The following TMEM232 variants were observed in gnomAD, a reference collection of about 807,000 sequenced individuals.
TMEM232 encodes the protein transmembrane protein 232.
A neutral mutation model predicts 78.8 loss-of-function variants in TMEM232; 80 were observed. That is an observed-to-expected ratio of 1.01 (90% CI 0.85 to 1.22). The LOEUF is 1.22. Ranked by LOEUF, TMEM232 falls within the 50% of genes most tolerant of loss-of-function variation. The pLI is 0.00. For missense variants in TMEM232, 881 were observed against 742.2 expected (o/e 1.19, Z -2.17); for synonymous variants, 297 against 254.3 (o/e 1.17, Z -1.60).
intron 10 of TMEM232, among the ~76,000 whole-genome samples, chr5:110,577,269 A>T (rs1023108433): frequency 5.9e-5 from 9 of 152,188 alleles, no homozygotes; most frequent in East Asian, 3.9e-4. Context: ...ATCATATTTT[A>T]AAAAAGCTCA....
At chr5:110,499,632 C>G (rs866581758) in intron 12 of TMEM232, among the ~76,000 whole-genome samples, 18 of 124,250 alleles carry the variant, frequency 1.4e-4, no homozygotes, top group Non-Finnish European at 2.1e-4. Context: ...TATACACCCC[C>G]CCCCACACAC....
chr5:110,528,355 T>C (rs1174111807), intron 12 of TMEM232, among the ~76,000 whole-genome samples: 6 of 151,878 alleles, frequency 4.0e-5, no homozygotes. Flanking sequence ...CTCACAAGAA[T>C]TACATTAATA....
chr5:110,554,736 C>A (rs1774875361), intron 11 of TMEM232, among the ~76,000 whole-genome samples: 1 of 152,096 alleles, frequency 6.6e-6, no homozygotes, highest in Non-Finnish European at 1.5e-5. Context: ...ATGATTGATA[C>A]CTGCTCTTCT....
chr5:110,390,613 T>C (rs531573754), exon 4 of TMEM232: 2 of 152,274 alleles, frequency 1.3e-5, no homozygotes, highest in African/African-American at 4.8e-5. Context: ...AAGAGAGTAA[T>C]TGAAATATTC....
At chr5:110,412,034 ATCT>A (rs1038479929) in intron 2 of TMEM232, among the ~76,000 whole-genome samples, 2 of 152,182 alleles carry the variant, frequency 1.3e-5, no homozygotes, top group Non-Finnish European at 2.9e-5. Flanking sequence ...CCTGTGTCCC[ATCT>A]TCTTAGTGCT....
At position 110,403,637 on chromosome 5, in the gene TMEM232, A is replaced by G. The variant is rs537425618; in HGVS notation, n.309-5783T>C. 4.6e-5 allele frequency among the ~76,000 whole-genome samples: 7 copies of G among 152,222 alleles called. 1 individual carries two copies. In the South Asian group the frequency reaches 1.2e-3, roughly 27 times the overall value. On this transcript the variant is annotated intron_variant and non_coding_transcript_variant, in intron 2 of 8. Transcript: ENST00000507188. The stretch of plus-strand genomic sequence containing the variant: ...ATTCTTTATGCTGGAGGGAAGAATT[A>G]CAATAGAAACACATAGGGATTTGGG...
At chr5:110,610,884 A>C (rs554856423) in intron 8 of TMEM232, among the ~76,000 whole-genome samples, 72 of 152,296 alleles carry the variant, frequency 4.7e-4, no homozygotes, top group Admixed American at 9.8e-4. Context: ...ATAGCCAGCC[A>C]AGGTTCGTAT....
intron 2 of TMEM232, among the ~76,000 whole-genome samples, chr5:110,648,454 G>A (rs906938375): frequency 1.3e-5 from 2 of 151,908 alleles, no homozygotes; most frequent in African/African-American, 4.8e-5. Context: ...GTATAAGAAT[G>A]GTCACAGCAA....
rs559345042 is a variant in TMEM232 at position 110,535,086 on chromosome 5, C to T, written c.1456-6251G>A. 5.7e-4 allele frequency among the ~76,000 whole-genome samples: 86 copies of T among 152,136 alleles called. 1 individual carries two copies. Among genetic ancestry groups the T allele is most frequent in the African/African-American group, 2.0e-3 (83 of 41,508 alleles). ...CTGTCCCAACACTTTACCACTATTT[C>T]GTTTTTTCTTATTAATATAAGAAGA... is the stretch of plus-strand genomic sequence containing the variant. On this transcript the variant is annotated intron_variant, in intron 11 of 13. Transcript: ENST00000455884.
chr5:110,415,180 T>C (rs74293794), downstream of TMEM232, among the ~76,000 whole-genome samples: 270 of 87,694 alleles, frequency 3.1e-3, no homozygotes, highest in African/African-American at 0.037. Flanking sequence ...AAATCTATCT[T>C]TCTCTCCAAC....
chr5:110,642,491 A>C, intron 2 of TMEM232, 120 bp from the exon 3 acceptor site: 1 of 666,664 alleles, frequency 1.5e-6, no homozygotes, highest in South Asian at 2.3e-5. Context: ...TTCTTAATAA[A>C]ACTGTTTCAC....
In TMEM232 at chr5:110,424,936, C is replaced by A. The variant is rs1757077813; in HGVS notation, c.1704-20G>T. On this transcript the variant is annotated intron_variant, in intron 12 of 13. Coordinates refer to ENST00000455884, the MANE Select transcript of TMEM232 (RefSeq NM_001039763.4). ...TGTTCCCTTCAAAAGAGCACAAGAA[C>A]AAATCCAACATTAGGTATAGGTACT... is the stretch of plus-strand genomic sequence containing the variant. The A allele has an allele frequency of 4.0e-6, 6 of 1,510,154 alleles. No homozygotes were observed. The highest frequency in any genetic ancestry group is 5.4e-6 in the Non-Finnish European group (6 of 1,113,208). 93.5% of individuals were successfully genotyped at this position (1,510,154 alleles called of 1,614,324 possible).
In TMEM232 at chr5:110,608,469, G is replaced by T. The variant is rs185947780; in HGVS notation, c.903-2182C>A. ...CATATTACGGTCAATTAAAAGAGAG[G>T]ATACTCATAGAGTTCGTAAAACTTC... is the stretch of plus-strand genomic sequence containing the variant. On this transcript the variant is annotated intron_variant, in intron 8 of 13. Coordinates refer to ENST00000455884, the MANE Select transcript of TMEM232 (RefSeq NM_001039763.4). Among the ~76,000 whole-genome samples the T allele has an allele frequency of 7.9e-4, 120 of 151,592 alleles. 1 individual carries two copies. The highest frequency in any genetic ancestry group is 2.9e-3 in the African/African-American group (118 of 41,372).
chr5:110,600,533 A>T (rs1230233889), intron 10 of TMEM232, among the ~76,000 whole-genome samples: 1 of 152,174 alleles, frequency 6.6e-6, no homozygotes, highest in African/African-American at 2.4e-5. Context: ...TACTATAAAC[A>T]CCTTTATGCA....
chr5:110,415,759 T>C (rs1021820710), downstream of TMEM232, among the ~76,000 whole-genome samples: 3 of 152,154 alleles, frequency 2.0e-5, no homozygotes, highest in African/African-American at 7.2e-5. Context: ...TTTGAAGCAA[T>C]ATTCAAAGCA....
At chr5:110,484,200 A>G (rs1194892400) in intron 12 of TMEM232, among the ~76,000 whole-genome samples, 1 of 152,112 alleles carries the variant, frequency 6.6e-6, no homozygotes, top group Non-Finnish European at 1.5e-5. Context: ...AATGATTAGG[A>G]CTATGCTCAC....
Position 110,627,873 on chromosome 5 carries a change from T to C in TMEM232, c.509A>G (p.Tyr170Cys), listed in dbSNP as rs997984525. 5 of 1,523,336 alleles carry C rather than the reference T, an allele frequency of 3.3e-6. No homozygotes were observed. In the South Asian group the frequency reaches 3.8e-5, roughly 12 times the overall value. The allele number at this position is 1,523,336 out of a possible 1,614,324, so 94.4% of individuals were successfully genotyped here. ...SVEIKLAKIG[Y>C]LVFLRLFIFF... is the part of the protein sequence containing the mutation. ...TATAAAAAGTCGTAAGAAGACCAAA[T>C]AGCCAATCTGTCAAAAGAGAAAAGA... The change falls in exon 6 of 14, where the codon TAT (tyrosine) becomes TGT (cysteine). Residue 170 changes from tyrosine to cysteine, a missense_variant. Transcript: ENST00000455884.
intron 11 of TMEM232, among the ~76,000 whole-genome samples, chr5:110,531,608 C>T (rs1405003076): frequency 6.6e-6 from 1 of 152,190 alleles, no homozygotes; most frequent in Non-Finnish European, 1.5e-5. Context: ...CTGGCAGAGA[C>T]AAAGGAGACA....
chr5:110,583,104 G>A (rs1036343890), intron 10 of TMEM232, among the ~76,000 whole-genome samples: 3 of 151,802 alleles, frequency 2.0e-5, no homozygotes, highest in Non-Finnish European at 4.4e-5. Context: ...ATTCAATACT[G>A]TCTCCATCAA....
Sources: allele counts gnomAD v4.1 joint callset (sites outside exome capture counted in the v4.1 genomes callset), GRCh38; gene constraint gnomAD v4.1.1; transcripts MANE v1.5; gene names NCBI Gene and HGNC (gene_info 2026-07-23, HGNC 2026-07-21).